Variants in NOL10 observed in about 807,000 individuals in gnomAD.
NOL10 encodes the protein nucleolar protein 10, also known as H_NH0074G24.1.
NOL10 carries 58 observed loss-of-function variants against 103.5 expected under a neutral mutation model. The observed-to-expected ratio is 0.56, with a 90% CI of 0.45 to 0.70. The LOEUF is 0.70. NOL10 is among the 30% of genes least tolerant of loss of function. NOL10 has a pLI of 0.00. For synonymous variants in NOL10, 287 were observed against 282.5 expected (o/e 1.02, Z -0.16); for missense variants, 763 against 807.3 (o/e 0.95, Z 0.67).
chr2:10,666,691 T>C (rs1680585721), intron 8 of NOL10, among the ~76,000 whole-genome samples: 1 of 72,112 alleles, frequency 1.4e-5, no homozygotes, highest in Non-Finnish European at 2.6e-5. Context: ...GTATATTATA[T>C]ACTGTTATGT....
intron 5 of NOL10, among the ~76,000 whole-genome samples, 185 bp from the exon 6 acceptor site, chr2:10,671,875 A>C (rs1680968994): frequency 6.6e-6 from 1 of 152,150 alleles, no homozygotes; most frequent in African/African-American, 2.4e-5. Context: ...TCGGCTCCTT[A>C]ATGCCTTCCT....
intron 6 of NOL10, among the ~76,000 whole-genome samples, chr2:10,670,096 T>A (rs1018778946): frequency 3.3e-5 from 5 of 152,006 alleles, no homozygotes. Context: ...TAAAAAGTTT[T>A]GAAATACTGT....
chr2:10,662,931 T>G, intron 9 of NOL10, 28 bp downstream of exon 9: 2 of 1,541,148 alleles, frequency 1.3e-6, no homozygotes, highest in Non-Finnish European at 1.8e-6. Context: ...TTGATGAACA[T>G]TTACATTGCA....
intron 12 of NOL10, among the ~76,000 whole-genome samples, chr2:10,649,311 ATTTTTTT>A (rs56031158): frequency 4.0e-5 from 4 of 99,062 alleles, no homozygotes; most frequent in Middle Eastern, 5.6e-3. Context: ...GTATGTTTGA[ATTTTTTT>A]TTTTTTTTTT....
chr2:10,623,015 C>T (rs1288803087), intron 13 of NOL10, among the ~76,000 whole-genome samples: 1 of 152,152 alleles, frequency 6.6e-6, no homozygotes, highest in Non-Finnish European at 1.5e-5. Flanking sequence ...TACTGTCTCT[C>T]ACACCCAACT....
At chr2:10,613,461 C>T (rs930425774) in intron 13 of NOL10, among the ~76,000 whole-genome samples, 4 of 152,064 alleles carry the variant, frequency 2.6e-5, no homozygotes, top group African/African-American at 4.8e-5. Context: ...CTGCTGAGGC[C>T]GATCAAGATA....
chr2:10,610,620 G>A (rs138154276), intron 13 of NOL10, among the ~76,000 whole-genome samples: 131 of 152,232 alleles, frequency 8.6e-4, no homozygotes, highest in African/African-American at 3.0e-3. Context: ...TAGACCTTTC[G>A]TCAGAGGCCT....
At chr2:10,647,264 C>A (rs897095589) in intron 12 of NOL10, among the ~76,000 whole-genome samples, 1 of 152,158 alleles carries the variant, frequency 6.6e-6, no homozygotes, top group African/African-American at 2.4e-5. Context: ...AATCAGTACT[C>A]ATCTGCATGT....
At position 10,657,831 on chromosome 2, in the gene NOL10, G is replaced by T. The variant is rs1421085703; in HGVS notation, c.817C>A (p.Leu273Met). 6.5e-7 allele frequency: 1 copy of T among 1,550,160 alleles called. No individual in the cohort carries two copies. Among genetic ancestry groups the T allele is most frequent in the South Asian group, 1.2e-5 (1 of 83,734 alleles). ...TGGAAATGAACGGACTTAATGGGCA[G>T]CCCATACTGGTGATCTTTAACTAGC... The part of the protein sequence containing the change: ...PLLVKDHQYG[L>M]PIKSVHFQDS... Residue 273 changes from leucine (L) to methionine (M), a missense_variant, in exon 11 of 21, where the codon CTG becomes ATG. Physicochemically the swap from Leu to Met is conservative, Grantham distance 15. Transcript: ENST00000381685.
chr2:10,606,887 C>G (rs6744599), intron 14 of NOL10, among the ~76,000 whole-genome samples: 89,917 of 151,932 alleles, frequency 0.59, 27,619 homozygotes, highest in African/African-American at 0.74. Flanking sequence ...AAAAATCACT[C>G]CTTTCGTGAC....
chr2:10,673,288 G>A, intron 5 of NOL10: 1 of 358,998 alleles, frequency 2.8e-6, no homozygotes, highest in Non-Finnish European at 5.1e-6. Flanking sequence ...TATACGATAT[G>A]AAAAATTACC....
intron 12 of NOL10, among the ~76,000 whole-genome samples, chr2:10,648,671 T>C (rs1326473743): frequency 6.6e-6 from 1 of 152,168 alleles, no homozygotes; most frequent in Non-Finnish European, 1.5e-5. Context: ...CACATTACTC[T>C]TGCCCCAAAT....
chr2:10,631,800 T>C (rs1424813498), intron 13 of NOL10, among the ~76,000 whole-genome samples: 2 of 151,910 alleles, frequency 1.3e-5, no homozygotes, highest in Non-Finnish European at 2.9e-5. Flanking sequence ...CTGCAACCTC[T>C]GCCTCCCAGG....
intron 13 of NOL10, among the ~76,000 whole-genome samples, chr2:10,612,635 T>C (rs1448525659): frequency 6.6e-6 from 1 of 152,124 alleles, no homozygotes; most frequent in Admixed American, 6.6e-5. Context: ...CCTGAGTAGC[T>C]GGGATTACAG....
Position 10,577,650 on chromosome 2 carries a change from A to C in NOL10, c.1933T>G (p.Phe645Val). 7 of 1,609,860 alleles carry C rather than the reference A, an allele frequency of 4.3e-6. No individual in the cohort carries two copies. The highest frequency in any genetic ancestry group is 5.9e-6 in the Non-Finnish European group (7 of 1,177,660). Residue 645 changes from phenylalanine to valine, a missense_variant, in exon 20 of 21, where the codon TTC becomes GTC. Physicochemically the swap from Phe to Val is conservative, Grantham distance 50. Coordinates refer to ENST00000381685, the MANE Select transcript of NOL10 (RefSeq NM_024894.4). ...AGACAACTCACCCTCTTTAACGTGAATGTCAATTGTTTGCTGCCAACGGTG... is the reference window on the plus strand; with the variant it reads ...AGACAACTCACCCTCTTTAACGTGACTGTCAATTGTTTGCTGCCAACGGTG... ...DTTVGSKQLT[F>V]TLKRSEQQKK... is the part of the protein sequence containing the mutation.
chr2:10,593,696 C>T lies in NOL10; in HGVS notation c.1423-3945G>A, dbSNP rs535454027. Among the ~76,000 whole-genome samples, 36 of 152,294 alleles carry T rather than the reference C, an allele frequency of 2.4e-4. No homozygotes were observed. The South Asian group carries it at 7.3e-3, about 31-fold the overall frequency. On this transcript the variant is annotated intron_variant, in intron 17 of 20. Coordinates refer to ENST00000381685, the MANE Select transcript of NOL10 (RefSeq NM_024894.4). ...CAGCTCTGGAAAGCCTGGCCCCAGCCCTTTCCCACGGAGAAGTTGCTTGGC... is the reference window on the plus strand; with the variant it reads ...CAGCTCTGGAAAGCCTGGCCCCAGCTCTTTCCCACGGAGAAGTTGCTTGGC...
intron 13 of NOL10, among the ~76,000 whole-genome samples, chr2:10,628,397 T>TGAC (rs1558302253): frequency 1.3e-5 from 2 of 152,164 alleles, no homozygotes; most frequent in African/African-American, 2.4e-5. Context: ...ATTCCTTTGA[T>TGAC]TTACAGTTGA....
intron 13 of NOL10, among the ~76,000 whole-genome samples, chr2:10,640,015 A>G (rs1270111541): frequency 2.1e-5 from 3 of 142,752 alleles, no homozygotes; most frequent in Non-Finnish European, 3.2e-5. Flanking sequence ...AAGAAAGATG[A>G]TATCAGATAG....
intron 17 of NOL10, among the ~76,000 whole-genome samples, chr2:10,600,055 C>G (rs373549071): frequency 1.3e-5 from 2 of 152,166 alleles, no homozygotes; most frequent in African/African-American, 4.8e-5. Context: ...TGGCCCAAAA[C>G]TACAAGGTCA....
Sources: allele counts gnomAD v4.1 joint callset (sites outside exome capture counted in the v4.1 genomes callset), GRCh38; gene constraint gnomAD v4.1.1; transcripts MANE v1.5; gene names NCBI Gene and HGNC (gene_info 2026-07-23, HGNC 2026-07-21).